NT5C2: variants seen among roughly 807,000 people sequenced by gnomAD.
The protein encoded by NT5C2 is cytosolic purine 5'-nucleotidase.
In NT5C2, 58 loss-of-function variants were observed where a neutral mutation model predicts 76.1. The ratio of observed to expected loss-of-function variants is 0.76; its 90% CI spans 0.62 to 0.95. The LOEUF is 0.95. NT5C2 is among the 40% of genes least tolerant of loss of function. The pLI is 0.00. For missense variants in NT5C2, 478 were observed against 690.3 expected (o/e 0.69, Z 3.45); for synonymous variants, 229 against 237.4 (o/e 0.96, Z 0.32).
chr10:103,165,062 C>T (rs1017160091), intron 3 of NT5C2, among the ~76,000 whole-genome samples: 10 of 152,158 alleles, frequency 6.6e-5, no homozygotes, highest in African/African-American at 1.7e-4. Context: ...ATTCATGTGA[C>T]GTAAGAAAAG....
chr10:103,171,947 C>T (rs2088154433), intron 3 of NT5C2, among the ~76,000 whole-genome samples: 2 of 151,930 alleles, frequency 1.3e-5, no homozygotes, highest in African/African-American at 2.4e-5. Flanking sequence ...CAGTGGCTCA[C>T]GTCTGTAATC....
intron 4 of NT5C2, among the ~76,000 whole-genome samples, chr10:103,132,171 C>T (rs149040511): frequency 0.01 from 1,505 of 148,102 alleles, 9 homozygotes; most frequent in Non-Finnish European, 0.015. Flanking sequence ...ACCTGGGAGG[C>T]GGAGGTTGCA....
chr10:103,106,621 G>A lies in NT5C2; in HGVS notation c.261C>T (p.Leu87=). ...LVSIGYPQEL[L]SFAYDSTFPT... ...GGAATGTAGAATCATAAGCAAAGCT[G>A]AGCAACTCCTGGGGATAGCCAATAG... is the stretch of plus-strand genomic sequence containing the variant. Residue 87 remains leucine (L), a synonymous_variant, in exon 5 of 19, where the codon CTC becomes CTT. Transcript: ENST00000404739. The A allele has an allele frequency of 6.2e-7, 1 of 1,613,208 alleles. No individual in the cohort carries two copies. Among genetic ancestry groups the A allele is most frequent in the Non-Finnish European group, 8.5e-7 (1 of 1,179,248 alleles).
Position 103,094,411 on chromosome 10 carries a change from G to T in NT5C2, c.858C>A (p.Ile286=). 1 of 1,613,930 alleles carries T rather than the reference G, an allele frequency of 6.2e-7. No homozygotes were observed. The highest frequency in any genetic ancestry group is 2.2e-5 in the East Asian group (1 of 44,884). Residue 286 remains isoleucine (I), a synonymous_variant, in exon 13 of 19, where the codon ATC becomes ATA. Coordinates refer to ENST00000404739, the MANE Select transcript of NT5C2 (RefSeq NM_001351169.2). ...AGAGTGGTTTCCGTGCATCCACCAA[G>T]ATCAAGTCAAAGTAGGACTGCCATG... is the stretch of plus-strand genomic sequence containing the variant. ...HRPWQSYFDL[I]LVDARKPLFF... is the part of the protein sequence containing the mutation.
intron 3 of NT5C2, among the ~76,000 whole-genome samples, chr10:103,154,566 T>C (rs186924133): frequency 1.5e-4 from 23 of 152,270 alleles, no homozygotes; most frequent in Non-Finnish European, 2.1e-4. Flanking sequence ...CTTTGGAACT[T>C]TGAATAAGTT....
intron 3 of NT5C2, among the ~76,000 whole-genome samples, chr10:103,160,254 C>G (rs1474529454): frequency 6.6e-6 from 1 of 152,014 alleles, no homozygotes; most frequent in African/African-American, 2.4e-5. Context: ...GAAAATGGAT[C>G]AAAAACGTAA....
At chr10:103,171,828 G>A (rs1044633461) in intron 3 of NT5C2, among the ~76,000 whole-genome samples, 1 of 152,168 alleles carries the variant, frequency 6.6e-6, no homozygotes, top group African/African-American at 2.4e-5. Flanking sequence ...GGAGACCAAG[G>A]CTGGAGGAAT....
chr10:103,169,260 CAT>C (rs2078182869), intron 3 of NT5C2: 4 of 152,102 alleles, frequency 2.6e-5, no homozygotes, highest in Admixed American at 2.6e-4. Flanking sequence ...TTTAAAAAGA[CAT>C]ATACATATAC....
At chr10:103,163,710 T>TA (rs11440429) in intron 3 of NT5C2, among the ~76,000 whole-genome samples, 46,084 of 143,142 alleles carry the variant, frequency 0.32, 7,115 homozygotes, top group Middle Eastern at 0.38. Flanking sequence ...ACTAAAAACT[T>TA]AAAAAAAAAA....
At chr10:103,159,618 C>G (rs2084310074) in intron 3 of NT5C2, among the ~76,000 whole-genome samples, 1 of 148,446 alleles carries the variant, frequency 6.7e-6, no homozygotes, top group South Asian at 2.1e-4. Context: ...CACTGTACTA[C>G]ACCTTGGGTG....
In NT5C2 at chr10:103,089,524, T is replaced by C. The variant is rs2066151721; in HGVS notation, c.*148A>G. The C allele has an allele frequency of 8.7e-6, 12 of 1,371,568 alleles. No individual in the cohort carries two copies. The highest frequency in any genetic ancestry group is 1.2e-5 in the Non-Finnish European group (12 of 1,042,000). 85.0% of individuals were successfully genotyped at this position (1,371,568 alleles called of 1,614,324 possible). A position where few individuals can be genotyped will look rare whatever the true frequency, so the allele number is the denominator to read the frequency against. On this transcript the variant is annotated 3_prime_UTR_variant, in exon 19 of 19. Coordinates refer to ENST00000404739, the MANE Select transcript of NT5C2 (RefSeq NM_001351169.2). Reference sequence around the variant, plus strand: ...TACACAAAACCAAAACAAGTATCTATGATAATAAAATCTTCAGAAACTTTT... The same window carrying C: ...TACACAAAACCAAAACAAGTATCTACGATAATAAAATCTTCAGAAACTTTT...
In NT5C2 at chr10:103,101,310, G is replaced by A; in HGVS notation, c.406C>T (p.Gln136Ter). 3 of 1,597,324 alleles carry A rather than the reference G, an allele frequency of 1.9e-6. No homozygotes were observed. Among genetic ancestry groups the A allele is most frequent in the Non-Finnish European group, 2.6e-6 (3 of 1,167,500 alleles). ...NFIRGPETRE[Q>*]YPNKFIQRDD... ...CGCTGGATAAATTTATTTGGATACTGTTCTCTAGTTTCTGGTCTGAAAGAA... is the reference window on the plus strand; with the variant it reads ...CGCTGGATAAATTTATTTGGATACTATTCTCTAGTTTCTGGTCTGAAAGAA... Residue 136 changes from glutamine (Q) to a stop codon, truncating the protein, a stop_gained, in exon 7 of 19, where the codon CAG becomes TAG. Transcript: ENST00000404739. LOFTEE classifies it high-confidence loss of function.
At chr10:103,093,811 C>A in intron 14 of NT5C2, 161 bp downstream of exon 14, 2 of 570,872 alleles carry the variant, frequency 3.5e-6, no homozygotes, top group East Asian at 2.8e-5. Context: ...CTGCTCAAAC[C>A]CAGACTCCTA....
At chr10:103,156,537 C>T (rs2083426150) in intron 3 of NT5C2, among the ~76,000 whole-genome samples, 1 of 139,684 alleles carries the variant, frequency 7.2e-6, no homozygotes, top group Non-Finnish European at 1.6e-5. Flanking sequence ...GGCGGATCAC[C>T]TGAGGTCAGG....
intron 3 of NT5C2, among the ~76,000 whole-genome samples, chr10:103,173,604 G>A (rs374132203): frequency 1.0e-4 from 11 of 106,840 alleles, no homozygotes; most frequent in East Asian, 8.5e-4. Flanking sequence ...GGAGCGAGAC[G>A]CCGTCTCAAA....
chr10:103,099,923 T>C lies in NT5C2; in HGVS notation c.633+3A>G, dbSNP rs1286052878. 1 of 1,594,102 alleles carries C rather than the reference T, an allele frequency of 6.3e-7. No individual in the cohort carries two copies. The highest frequency in any genetic ancestry group is 1.1e-5 in the South Asian group (1 of 90,540). ...AGCAGGTGAAGAAACAGCTTCTAGG[T>C]ACCTTGTAATGAACCCAGTCAACAG... On this transcript the variant is annotated splice_donor_region_variant and intron_variant, in intron 9 of 18. Transcript: ENST00000404739.
In NT5C2 at chr10:103,101,209, TATAA is replaced by T. The variant is rs772936528; in HGVS notation, c.481+22_481+25del. On this transcript the variant is annotated intron_variant, in intron 7 of 18. Coordinates refer to ENST00000404739, the MANE Select transcript of NT5C2 (RefSeq NM_001351169.2). The stretch of plus-strand genomic sequence containing the variant: ...ATGGTCACAGAAGGGAAAGCATCAG[TATAA>T]ATAAGCATAGAATGAATCTACCTGG... The T allele has an allele frequency of 2.7e-6, 4 of 1,481,320 alleles. No homozygotes were observed. In the Admixed American group the frequency reaches 5.0e-5, roughly 19 times the overall value. 91.8% of individuals were successfully genotyped at this position (1,481,320 alleles called of 1,614,324 possible). A position where few individuals can be genotyped will look rare whatever the true frequency, so the allele number is the denominator to read the frequency against.
At chr10:103,193,196 C>A (rs573733426) in intron 1 of NT5C2, 40 bp downstream of exon 1, 1 of 152,288 alleles carries the variant, frequency 6.6e-6, no homozygotes, top group East Asian at 1.9e-4. Context: ...CCCGTTCGCC[C>A]GCTCCTTCCC....
chr10:103,094,130 A>G (rs2067594383), intron 13 of NT5C2, 92 bp from the exon 14 acceptor site: 2 of 642,420 alleles, frequency 3.1e-6, no homozygotes, highest in Middle Eastern at 3.3e-4. Flanking sequence ...CCCCACCACC[A>G]GTGCTACTTG....
Sources: gnomAD v4.1 joint callset for allele counts (sites outside exome capture counted in the v4.1 genomes callset) on GRCh38, gnomAD v4.1.1 for gene constraint, MANE v1.5 for transcripts, NCBI Gene and HGNC (gene_info 2026-07-23, HGNC 2026-07-21) for gene names.